The following TPTE variants were observed in gnomAD, a reference collection of about 807,000 sequenced individuals.
TPTE encodes the protein transmembrane phosphatase with tensin homology.
Under a neutral mutation model 84.1 loss-of-function variants are expected in TPTE, and 59 were observed. The ratio of observed to expected loss-of-function variants is 0.70; its 90% CI spans 0.57 to 0.87. The LOEUF (loss-of-function observed/expected upper bound fraction) is 0.87, where lower values mean the gene tolerates loss of function less well. Among genes scored for constraint, TPTE ranks in the 40% least tolerant of loss-of-function variants. The pLI, the probability that TPTE is intolerant of heterozygous loss-of-function variation, is 0.00. For synonymous variants in TPTE, 130 were observed against 223.5 expected (o/e 0.58, Z 3.73); for missense variants, 382 against 659.6 (o/e 0.58, Z 4.61).
At chr21:10,530,230 A>G (rs1278657114) in intron 3 of TPTE, among the ~76,000 whole-genome samples, 1 of 152,304 alleles carries the variant, frequency 6.6e-6, no homozygotes, top group African/African-American at 2.4e-5. Context: ...ACCAATCAAT[A>G]TTTTGCATTT....
chr21:10,602,427 TAA>T (rs71228809), intron 22 of TPTE, among the ~76,000 whole-genome samples: 15,358 of 146,968 alleles, frequency 0.1, no homozygotes, highest in Middle Eastern at 0.17. Flanking sequence ...GTCAAGATGC[TAA>T]AAAAAAAAAA....
chr21:10,595,579 G>A (rs1320968718), intron 19 of TPTE, among the ~76,000 whole-genome samples: 2 of 152,312 alleles, frequency 1.3e-5, no homozygotes, highest in Admixed American at 6.5e-5. Flanking sequence ...TATTCCTCTG[G>A]AGTTTTCACT....
intron 7 of TPTE, among the ~76,000 whole-genome samples, chr21:10,546,895 G>A (rs2074477682): frequency 6.6e-6 from 1 of 152,312 alleles, no homozygotes. Context: ...CAGTGCCGAT[G>A]CAGAAGCAGC....
chr21:10,570,180 TG>T, intron 13 of TPTE, among the ~76,000 whole-genome samples: 2 of 152,430 alleles, frequency 1.3e-5, no homozygotes, highest in South Asian at 4.1e-4. Flanking sequence ...GGATTTTCTC[TG>T]GTATTTAAGA....
chr21:10,547,151 C>G (rs2074483506), intron 7 of TPTE, among the ~76,000 whole-genome samples: 1 of 152,308 alleles, frequency 6.6e-6, no homozygotes, highest in South Asian at 2.1e-4. Context: ...TCTGAAAATC[C>G]TGGGGCCCGT....
chr21:10,556,511 A>G (rs550436368), intron 8 of TPTE, among the ~76,000 whole-genome samples: 3 of 152,428 alleles, frequency 2.0e-5, no homozygotes, highest in South Asian at 2.1e-4. Flanking sequence ...ATACGTGTGC[A>G]TGTGTCTTTA....
chr21:10,586,886 G>A (rs4089313), intron 17 of TPTE, among the ~76,000 whole-genome samples: 1 of 151,382 alleles, frequency 6.6e-6, no homozygotes, highest in African/African-American at 2.4e-5. Context: ...AAGCAGTGAA[G>A]AGAGGGCATT....
At chr21:10,597,658 A>C (rs2075613630) in intron 20 of TPTE, among the ~76,000 whole-genome samples, 1 of 152,312 alleles carries the variant, frequency 6.6e-6, no homozygotes, top group Non-Finnish European at 1.5e-5. Flanking sequence ...CAAGTAATCG[A>C]CCCACCTCGC....
chr21:10,537,677 CAAAA>C (rs58515233), intron 3 of TPTE, among the ~76,000 whole-genome samples: 13 of 109,784 alleles, frequency 1.2e-4, no homozygotes, highest in African/African-American at 3.0e-4. Flanking sequence ...GACTCCCCCT[CAAAA>C]AAAAAAAAAA....
intron 3 of TPTE, among the ~76,000 whole-genome samples, chr21:10,527,890 G>C (rs1424895366): frequency 6.6e-6 from 1 of 152,308 alleles, no homozygotes; most frequent in Non-Finnish European, 1.5e-5. Flanking sequence ...AGAGCATGAA[G>C]GTGGTGGAGG....
At chr21:10,546,754 A>G (rs929541590) in intron 7 of TPTE, among the ~76,000 whole-genome samples, 3 of 152,302 alleles carry the variant, frequency 2.0e-5, no homozygotes, top group African/African-American at 2.4e-5. Flanking sequence ...CAAGGCCCTC[A>G]CTCTCTTTGA....
chr21:10,583,144 C>G, intron 17 of TPTE, among the ~76,000 whole-genome samples: 1 of 152,424 alleles, frequency 6.6e-6, no homozygotes, highest in African/African-American at 2.4e-5. Flanking sequence ...GAATCTTGAA[C>G]TTTACTTGAT....
intron 14 of TPTE, among the ~76,000 whole-genome samples, chr21:10,570,963 C>T (rs1251133183): frequency 3.0e-4 from 46 of 152,236 alleles, no homozygotes; most frequent in African/African-American, 9.7e-4. Flanking sequence ...CCCCCAAGGC[C>T]CAAGGCCCAT....
intron 20 of TPTE, among the ~76,000 whole-genome samples, chr21:10,596,293 C>A (rs1206060011): frequency 6.6e-6 from 1 of 152,424 alleles, no homozygotes; most frequent in East Asian, 1.9e-4. Flanking sequence ...TTCACTTTTT[C>A]TTTTCCATCA....
intron 17 of TPTE, among the ~76,000 whole-genome samples, chr21:10,580,979 A>G (rs1233921678): frequency 6.6e-6 from 1 of 152,312 alleles, no homozygotes; most frequent in Non-Finnish European, 1.5e-5. Context: ...ACAAACATAA[A>G]TAATTACATT....
chr21:10,587,465 T>G (rs1349165390), intron 17 of TPTE, among the ~76,000 whole-genome samples: 1 of 152,418 alleles, frequency 6.6e-6, no homozygotes, highest in East Asian at 1.9e-4. Flanking sequence ...TGAGAACATA[T>G]GGTATTTGGT....
At chr21:10,538,769 A>T (rs768497366) in intron 4 of TPTE, 35 bp downstream of exon 4, 1 of 1,614,070 alleles carries the variant, frequency 6.2e-7, no homozygotes, top group South Asian at 1.1e-5. Flanking sequence ...TATTTATCGA[A>T]TTATAACTGA....
intron 1 of TPTE, among the ~76,000 whole-genome samples, chr21:10,522,144 G>GT (rs1361140436): frequency 2.6e-5 from 4 of 152,236 alleles, no homozygotes; most frequent in Admixed American, 6.5e-5. Context: ...TCGTTGTCTT[G>GT]TCCCCCCCCA....
At position 10,538,671 on chromosome 21, in the gene TPTE, C is replaced by T. The variant is rs747776458; in HGVS notation, c.-43-10C>T. ...CTCCTGTCTGACTATATTCTTTTGA[C>T]ATCCTCTAGTCCACCCACAAATGAA... On this transcript the variant is annotated splice_polypyrimidine_tract_variant and intron_variant, in intron 3 of 23. Transcript: ENST00000618007. 2.1e-4 allele frequency: 336 copies of T among 1,613,874 alleles called. No homozygotes were observed. The highest frequency in any genetic ancestry group is 5.5e-4 in the Admixed American group (33 of 60,006).
Sources: allele counts gnomAD v4.1 joint callset (sites outside exome capture counted in the v4.1 genomes callset), GRCh38; gene constraint gnomAD v4.1.1; transcripts MANE v1.5; gene names NCBI Gene and HGNC (gene_info 2026-07-23, HGNC 2026-07-21).